DNAH11: variants seen among roughly 807,000 people sequenced by gnomAD.
DNAH11 encodes dynein axonemal heavy chain 11.
DNAH11 carries 442 observed loss-of-function variants against 526.0 expected under a neutral mutation model. The observed-to-expected ratio is 0.84, with a 90% CI of 0.78 to 0.91. DNAH11 has a LOEUF of 0.91. DNAH11 is among the 40% of genes least tolerant of loss of function. DNAH11 has a pLI of 0.00. For missense variants in DNAH11, 6,989 were observed against 5,448.7 expected (o/e 1.28, Z -8.90); for synonymous variants, 2,461 against 1,935.9 (o/e 1.27, Z -7.12).
intron 34 of DNAH11, 52 bp from the exon 35 acceptor site, chr7:21,690,713 C>A: frequency 7.6e-7 from 1 of 1,319,586 alleles, no homozygotes; most frequent in Non-Finnish European, 1.1e-6. Flanking sequence ...TGTCAATGTG[C>A]ATTCATATTC....
intron 44 of DNAH11, among the ~76,000 whole-genome samples, chr7:21,725,564 A>G (rs1785064834): frequency 6.6e-6 from 1 of 152,200 alleles, no homozygotes; most frequent in Non-Finnish European, 1.5e-5. Context: ...CACCGTTACA[A>G]TAGTGACTAC....
intron 36 of DNAH11, among the ~76,000 whole-genome samples, chr7:21,702,306 G>A (rs1201087097): frequency 6.6e-6 from 1 of 152,118 alleles, no homozygotes; most frequent in Non-Finnish European, 1.5e-5. Flanking sequence ...TCCAAGTCTG[G>A]GGAGAAGTAG....
chr7:21,684,298 A>G (rs1783277816), intron 32 of DNAH11, among the ~76,000 whole-genome samples: 1 of 152,218 alleles, frequency 6.6e-6, no homozygotes, highest in Non-Finnish European at 1.5e-5. Context: ...GAGGAACTGC[A>G]TACAGTGAAA....
intron 45 of DNAH11, among the ~76,000 whole-genome samples, chr7:21,731,737 A>G (rs142654477): frequency 6.6e-6 from 1 of 152,216 alleles, no homozygotes; most frequent in South Asian, 2.1e-4. Flanking sequence ...TTGCACACTG[A>G]TCTGAGTAGC....
chr7:21,636,391 C>T (rs2128459560), intron 26 of DNAH11, among the ~76,000 whole-genome samples: 1 of 152,132 alleles, frequency 6.6e-6, no homozygotes, highest in South Asian at 2.1e-4. Context: ...TTGAATTTCA[C>T]ATAGTTATCA....
At position 21,683,958 on chromosome 7, in the gene DNAH11, G is replaced by A. The variant is rs997856850; in HGVS notation, c.5621+14G>A. 1 of 1,611,668 alleles carries A rather than the reference G, an allele frequency of 6.2e-7. No individual in the cohort carries two copies. On this transcript the variant is annotated intron_variant, in intron 32 of 81. Coordinates refer to ENST00000409508, the MANE Select transcript of DNAH11 (RefSeq NM_001277115.2). ...TCTAACTGACAGGTAACAATTCAAAGTTTCCGTCCAGATAGGAAAAACAAC... is the reference window on the plus strand; with the variant it reads ...TCTAACTGACAGGTAACAATTCAAAATTTCCGTCCAGATAGGAAAAACAAC...
At chr7:21,545,280 A>AAAAAAAC in intron 2 of DNAH11, 131 bp downstream of exon 2, 1 of 731,844 alleles carries the variant, frequency 1.4e-6, no homozygotes, top group Non-Finnish European at 2.0e-6. Context: ...TGGTTAAAAA[A>AAAAAAAC]AAAAAAAAAA....
In DNAH11 at chr7:21,681,668, T is replaced by G; in HGVS notation, c.5451T>G (p.Ile1817Met). The change falls in exon 31 of 82, where the codon ATT (isoleucine) becomes ATG (methionine). Residue 1817 changes from isoleucine (I) to methionine (M), a missense_variant. Ile to Met is a conservative substitution (Grantham distance 10). Transcript: ENST00000409508. ...CCAGAGACGTGGTGGCAAAACTTAT[T>G]TCTCAGAAGGCAAGTTGTTTGTAGA... is the stretch of plus-strand genomic sequence containing the variant. ...VHARDVVAKLISQKVVSPQAF... is the reference protein window; with the variant it reads ...VHARDVVAKLMSQKVVSPQAF... The G allele has an allele frequency of 6.2e-7, 1 of 1,613,938 alleles. No individual in the cohort carries two copies.
chr7:21,802,154 C>G (rs1010152224), intron 62 of DNAH11, among the ~76,000 whole-genome samples: 3 of 151,970 alleles, frequency 2.0e-5, no homozygotes, highest in Non-Finnish European at 1.5e-5. Context: ...GATAAATAAC[C>G]AAATTTTAAA....
chr7:21,762,933 C>T (rs560316362), intron 54 of DNAH11, among the ~76,000 whole-genome samples: 1 of 152,198 alleles, frequency 6.6e-6, no homozygotes, highest in East Asian at 1.9e-4. Context: ...GAAAGACAAC[C>T]TATGTGAAAT....
rs1404284409 is a variant in DNAH11 at position 21,852,335 on chromosome 7, A to G, written c.10897-132A>G. Reference sequence around the variant, plus strand: ...GGCAGGAGAATCGCTTTAACCCAGGAGGCACACGTCGCAGTGAGCCAAGAT... The same window carrying G: ...GGCAGGAGAATCGCTTTAACCCAGGGGGCACACGTCGCAGTGAGCCAAGAT... On this transcript the variant is annotated intron_variant, in intron 66 of 81. Transcript: ENST00000409508. 1.8e-5 allele frequency: 15 copies of G among 817,178 alleles called. No homozygotes were observed. In the East Asian group the frequency reaches 3.8e-4, roughly 21 times the overall value. 50.6% of individuals were successfully genotyped at this position (817,178 alleles called of 1,614,324 possible).
chr7:21,832,900 A>T (rs1781845294), intron 65 of DNAH11, among the ~76,000 whole-genome samples: 1 of 152,236 alleles, frequency 6.6e-6, no homozygotes, highest in Non-Finnish European at 1.5e-5. Flanking sequence ...CTGCTCTAGA[A>T]GGATTTCTTA....
At chr7:21,602,557 TTGTGTGTGTG>T (rs60703018) in intron 18 of DNAH11, among the ~76,000 whole-genome samples, 1,590 of 149,104 alleles carry the variant, frequency 0.011, 16 homozygotes, top group African/African-American at 0.023. Context: ...ATTTTATAGA[TTGTGTGTGTG>T]TGTGTGTGTG....
At chr7:21,854,496 G>A in intron 68 of DNAH11, 41 bp downstream of exon 68, 1 of 1,575,824 alleles carries the variant, frequency 6.3e-7, no homozygotes, top group Non-Finnish European at 8.6e-7. Flanking sequence ...AACTTTAGGA[G>A]TTCAATTTGT....
Position 21,834,928 on chromosome 7 carries a change from A to G in DNAH11, c.10692-7616A>G, listed in dbSNP as rs548715452. On this transcript the variant is annotated intron_variant, in intron 65 of 81. Coordinates refer to ENST00000409508, the MANE Select transcript of DNAH11 (RefSeq NM_001277115.2). ...CTAAAATTTTCAAAAGTTTCAAATC[A>G]GAGACGAAAAACAAAACATAACTGA... 5.3e-4 allele frequency among the ~76,000 whole-genome samples: 80 copies of G among 152,312 alleles called. 1 individual carries two copies. The highest frequency in any genetic ancestry group is 1.9e-3 in the African/African-American group (79 of 41,576).
chr7:21,834,868 A>G (rs747137705), intron 65 of DNAH11, among the ~76,000 whole-genome samples: 1 of 152,148 alleles, frequency 6.6e-6, no homozygotes, highest in Non-Finnish European at 1.5e-5. Context: ...AAAAAAACAA[A>G]TAACACAAAC....
intron 42 of DNAH11, among the ~76,000 whole-genome samples, chr7:21,716,852 C>T (rs756800422): frequency 4.6e-5 from 7 of 152,138 alleles, no homozygotes; most frequent in African/African-American, 7.2e-5. Context: ...TGTAACATAA[C>T]CGGCTATTTA....
intron 21 of DNAH11, among the ~76,000 whole-genome samples, chr7:21,615,670 A>G (rs1785739969): frequency 1.3e-5 from 2 of 152,116 alleles, no homozygotes; most frequent in African/African-American, 2.4e-5. Flanking sequence ...CCTAAAAATA[A>G]TTTGTATGTG....
rs1411141736 is a variant in DNAH11, at chr7:21,606,738, T to C, written c.3852+5T>C. 5 of 1,601,500 alleles carry C rather than the reference T, an allele frequency of 3.1e-6. No homozygotes were observed. In the Admixed American group the frequency reaches 8.5e-5, roughly 27 times the overall value. On this transcript the variant is annotated splice_donor_5th_base_variant and intron_variant, in intron 20 of 81. Transcript: ENST00000409508. ...CCATACACAGCGCTTGATAAGGTAA[T>C]ACAGATCTCAAATATCCTGTGTGCA...
Sources: allele counts gnomAD v4.1 joint callset (sites outside exome capture counted in the v4.1 genomes callset), GRCh38; gene constraint gnomAD v4.1.1; transcripts MANE v1.5; gene names NCBI Gene and HGNC (gene_info 2026-07-23, HGNC 2026-07-21).